The following FAM185A variants were observed in gnomAD, a reference collection of about 807,000 sequenced individuals.
The protein encoded by FAM185A is protein FAM185A.
In FAM185A, 21 loss-of-function variants were observed where a neutral mutation model predicts 45.7. The ratio of observed to expected loss-of-function variants is 0.46; its 90% CI spans 0.33 to 0.66. The LOEUF (loss-of-function observed/expected upper bound fraction) is 0.66. FAM185A is among the 30% of genes least tolerant of loss of function. The pLI, the probability that FAM185A is intolerant of heterozygous loss-of-function variation, is 0.03. For missense variants in FAM185A, 305 were observed against 485.4 expected (o/e 0.63, Z 3.49); for synonymous variants, 117 against 194.0 (o/e 0.60, Z 3.30).
chr7:102,762,634 G>T (rs1794176744), intron 4 of FAM185A, among the ~76,000 whole-genome samples: 2 of 152,180 alleles, frequency 1.3e-5, no homozygotes, highest in South Asian at 2.1e-4. Context: ...CATGGTTAGT[G>T]CTAATCATGC....
chr7:102,757,612 A>G (rs932676759), intron 2 of FAM185A, among the ~76,000 whole-genome samples: 5 of 152,238 alleles, frequency 3.3e-5, no homozygotes, highest in African/African-American at 1.2e-4. Flanking sequence ...TGAAGCTACC[A>G]GAATACCCAA....
Position 102,751,674 on chromosome 7 carries a change from T to A in FAM185A, c.452-18T>A. The A allele has an allele frequency of 6.5e-7, 1 of 1,533,576 alleles. No individual in the cohort carries two copies. The highest frequency in any genetic ancestry group is 2.5e-5 in the East Asian group (1 of 40,758). The allele number at this position is 1,533,576 out of a possible 1,614,324, so 95.0% of individuals were successfully genotyped here. ...TAAACTGCAGTACTAACTTGCTTTTTTCTTTTTTTACTTCTAGGTTTAGAT... is the reference window on the plus strand; with the variant it reads ...TAAACTGCAGTACTAACTTGCTTTTATCTTTTTTTACTTCTAGGTTTAGAT... On this transcript the variant is annotated intron_variant, in intron 1 of 7. Transcript: ENST00000413034.
chr7:102,844,413 G>C, the FAM185A span, among the ~76,000 whole-genome samples: 1 of 152,136 alleles, frequency 6.6e-6, no homozygotes, highest in African/African-American at 2.4e-5. Flanking sequence ...CAAATTACTT[G>C]TAGGTAGAGT....
intron 4 of FAM185A, among the ~76,000 whole-genome samples, chr7:102,771,747 A>G (rs1794755649): frequency 6.6e-6 from 1 of 152,230 alleles, no homozygotes; most frequent in Admixed American, 6.5e-5. Flanking sequence ...ACATACAAAC[A>G]CACATATGAA....
At chr7:102,822,909 A>G in the FAM185A span, among the ~76,000 whole-genome samples, 1 of 152,128 alleles carries the variant, frequency 6.6e-6, no homozygotes, top group South Asian at 2.1e-4. Context: ...CAAAAATACA[A>G]AAATTAGCTG....
chr7:102,755,745 G>A (rs1793680404), intron 2 of FAM185A: 4 of 570,996 alleles, frequency 7.0e-6, no homozygotes, highest in African/African-American at 3.8e-5. Flanking sequence ...CACCACTGTC[G>A]ACTTCACACA....
Position 102,781,103 on chromosome 7 carries a change from G to A in FAM185A, c.931+3755G>A, listed in dbSNP as rs1293707240. ...TGAGATCAAACAGCAAGGCAGCAGCGAGGCTAGGGGAGGGGCGTCCACCAT... is the reference window on the plus strand; with the variant it reads ...TGAGATCAAACAGCAAGGCAGCAGCAAGGCTAGGGGAGGGGCGTCCACCAT... On this transcript the variant is annotated intron_variant, in intron 6 of 7. Transcript: ENST00000413034. Among the ~76,000 whole-genome samples, 4 of 152,274 alleles carry A rather than the reference G, an allele frequency of 2.6e-5. 1 individual carries two copies. Among genetic ancestry groups the A allele is most frequent in the Middle Eastern group, 6.8e-3 (2 of 294 alleles).
chr7:102,824,195 C>T, the FAM185A span, among the ~76,000 whole-genome samples: 3 of 152,172 alleles, frequency 2.0e-5, no homozygotes, highest in Non-Finnish European at 4.4e-5. Flanking sequence ...ATTTTTAACT[C>T]CCAGATATAA....
At chr7:102,834,878 ATG>A in the FAM185A span, among the ~76,000 whole-genome samples, 59,450 of 146,862 alleles carry the variant, frequency 0.4, 11,858 homozygotes, top group Admixed American at 0.48. Context: ...CCATTCCACA[ATG>A]TGTGTGTGTG....
At chr7:102,819,426 C>CA in the FAM185A span, among the ~76,000 whole-genome samples, 1 of 152,158 alleles carries the variant, frequency 6.6e-6, no homozygotes, top group African/African-American at 2.4e-5. Flanking sequence ...AAAAGGGCTA[C>CA]AGCCAATTTG....
chr7:102,828,971 A>G, the FAM185A span, among the ~76,000 whole-genome samples: 2 of 152,168 alleles, frequency 1.3e-5, no homozygotes, highest in Non-Finnish European at 2.9e-5. Flanking sequence ...TAACTATAGA[A>G]TGTGCTGGGG....
intron 2 of FAM185A, among the ~76,000 whole-genome samples, chr7:102,757,221 G>A (rs922556683): frequency 1.3e-5 from 2 of 151,386 alleles, no homozygotes; most frequent in African/African-American, 2.4e-5. Context: ...TTAACCTAAT[G>A]TGTATTCTGT....
intron 5 of FAM185A, 50 bp from the exon 6 acceptor site, chr7:102,777,203 C>G: frequency 6.5e-7 from 1 of 1,545,816 alleles, no homozygotes; most frequent in Non-Finnish European, 8.7e-7. Flanking sequence ...GTTTGTAATT[C>G]CATTTATCAA....
intron 7 of FAM185A, among the ~76,000 whole-genome samples, chr7:102,801,392 A>C (rs1796781370): frequency 6.6e-6 from 1 of 152,252 alleles, no homozygotes; most frequent in Non-Finnish European, 1.5e-5. Flanking sequence ...TCATATCTCA[A>C]TACTAACATC....
chr7:102,842,333 A>C, the FAM185A span, among the ~76,000 whole-genome samples: 1 of 152,226 alleles, frequency 6.6e-6, no homozygotes, highest in Non-Finnish European at 1.5e-5. Context: ...TTAATCTTGG[A>C]AAACAAATAG....
intron 6 of FAM185A, among the ~76,000 whole-genome samples, chr7:102,783,947 T>C (rs1303146672): frequency 6.6e-6 from 1 of 151,128 alleles, no homozygotes; most frequent in Non-Finnish European, 1.5e-5. Context: ...CAAGACTAAT[T>C]AAGAAGAAAA....
chr7:102,803,944 A>T (rs547594903), intron 7 of FAM185A, among the ~76,000 whole-genome samples: 43 of 152,286 alleles, frequency 2.8e-4, no homozygotes, highest in Non-Finnish European at 4.9e-4. Flanking sequence ...AGCTGCAAAA[A>T]AAAATGAAGT....
chr7:102,824,785 CTT>C, the FAM185A span, among the ~76,000 whole-genome samples: 27,402 of 123,614 alleles, frequency 0.22, 3,556 homozygotes, highest in East Asian at 0.57. Flanking sequence ...CATGCCCGGC[CTT>C]TTTTTTTTTT....
intron 1 of FAM185A, 83 bp downstream of exon 1, chr7:102,749,741 A>G: frequency 5.4e-6 from 8 of 1,489,364 alleles, no homozygotes; most frequent in Non-Finnish European, 7.1e-6. Context: ...TGCACTTTTA[A>G]TTGGTCCTGG....
Sources: gnomAD v4.1 joint callset for allele counts (sites outside exome capture counted in the v4.1 genomes callset) on GRCh38, gnomAD v4.1.1 for gene constraint, MANE v1.5 for transcripts, NCBI Gene and HGNC (gene_info 2026-07-23, HGNC 2026-07-21) for gene names.